Variants in PDZRN3 observed in about 807,000 individuals in gnomAD.
The protein encoded by PDZRN3 is E3 ubiquitin-protein ligase PDZRN3.
Under a neutral mutation model 85.7 loss-of-function variants are expected in PDZRN3, and 38 were observed. That is an observed-to-expected ratio of 0.44 (90% confidence interval 0.34 to 0.58). The LOEUF is 0.58. Ranked by LOEUF, PDZRN3 falls within the 20% of genes least tolerant of loss-of-function variation. The pLI, the probability that PDZRN3 is intolerant of heterozygous loss-of-function variation, is 0.01. For synonymous variants in PDZRN3, 759 were observed against 638.0 expected, an observed-to-expected ratio of 1.19 and a Z score of -2.86; for missense variants, 1,629 against 1,506.4, an observed-to-expected ratio of 1.08 and a Z score of -1.35.
chr3:73,620,341 G>T (rs1702837031), intron 1 of PDZRN3, among the ~76,000 whole-genome samples: 1 of 152,216 alleles, frequency 6.6e-6, no homozygotes, highest in African/African-American at 2.4e-5. Context: ...GTTATGTCCA[G>T]AATTGTTCCT....
intron 3 of PDZRN3, among the ~76,000 whole-genome samples, chr3:73,508,845 C>T (rs906732597): frequency 6.6e-6 from 1 of 152,130 alleles, no homozygotes; most frequent in Admixed American, 6.5e-5. Flanking sequence ...TAGCCATAAC[C>T]AAGGCCCTCT....
chr3:73,409,018 G>T (rs1406410083), intron 3 of PDZRN3, among the ~76,000 whole-genome samples: 1 of 152,168 alleles, frequency 6.6e-6, no homozygotes, highest in African/African-American at 2.4e-5. Context: ...AACAGTTTAT[G>T]CAGCTTTAAA....
intron 3 of PDZRN3, among the ~76,000 whole-genome samples, chr3:73,430,353 G>A (rs1414983791): frequency 2.0e-5 from 3 of 152,164 alleles, no homozygotes; most frequent in Non-Finnish European, 4.4e-5. Flanking sequence ...CAGACTTTAG[G>A]ACAATGTGCT....
intron 3 of PDZRN3, among the ~76,000 whole-genome samples, chr3:73,505,285 C>A (rs868471733): frequency 6.6e-6 from 1 of 152,122 alleles, no homozygotes; most frequent in Non-Finnish European, 1.5e-5. Flanking sequence ...TTTGAGAAAA[C>A]CCCAGTCCTT....
intron 3 of PDZRN3, among the ~76,000 whole-genome samples, chr3:73,562,176 C>T (rs976979599): frequency 2.6e-5 from 4 of 152,158 alleles, no homozygotes; most frequent in Admixed American, 6.5e-5. Flanking sequence ...TCTCTCCCTA[C>T]CTCTCTCTAT....
chr3:73,410,901 T>G (rs1314407715), intron 3 of PDZRN3, among the ~76,000 whole-genome samples: 2 of 152,198 alleles, frequency 1.3e-5, no homozygotes, highest in Non-Finnish European at 2.9e-5. Context: ...AAAATTAACA[T>G]GTACATTTTT....
chr3:73,523,292 G>A (rs918847495), intron 3 of PDZRN3, among the ~76,000 whole-genome samples: 3 of 152,128 alleles, frequency 2.0e-5, no homozygotes, highest in Non-Finnish European at 4.4e-5. Flanking sequence ...CTCCCAAAGT[G>A]CTGGGATTAT....
intron 3 of PDZRN3, among the ~76,000 whole-genome samples, chr3:73,585,616 AT>A (rs1390203817): frequency 5.3e-5 from 8 of 152,326 alleles, no homozygotes; most frequent in Admixed American, 3.3e-4. Context: ...TTCACTGAGA[AT>A]TCAGTTTAAT....
chr3:73,579,278 C>A (rs1702165372), intron 3 of PDZRN3, among the ~76,000 whole-genome samples: 1 of 152,188 alleles, frequency 6.6e-6, no homozygotes, highest in South Asian at 2.1e-4. Flanking sequence ...TGACCTTGAA[C>A]TTCCCAGCCT....
chr3:73,434,051 C>T (rs1373066804), intron 3 of PDZRN3: 7 of 678,016 alleles, frequency 1.0e-5, no homozygotes, highest in Non-Finnish European at 1.3e-5. Flanking sequence ...TATTAATCAG[C>T]TCTCATTGAC....
intron 3 of PDZRN3, among the ~76,000 whole-genome samples, chr3:73,469,226 C>T (rs1703285419): frequency 6.6e-6 from 1 of 152,060 alleles, no homozygotes. Flanking sequence ...GTGCCCACCA[C>T]CATGCCCAGA....
chr3:73,553,225 T>TA (rs1029539760), intron 3 of PDZRN3, among the ~76,000 whole-genome samples: 5 of 152,218 alleles, frequency 3.3e-5, no homozygotes, highest in African/African-American at 1.2e-4. Flanking sequence ...ACGCTTCTGA[T>TA]AATTAACACG....
At chr3:73,613,485 G>A (rs77091769) in intron 1 of PDZRN3, among the ~76,000 whole-genome samples, 3,400 of 152,184 alleles carry the variant, frequency 0.022, 127 homozygotes, top group African/African-American at 0.078. Context: ...GGGAGTCTGG[G>A]AGTACAGGGT....
chr3:73,532,778 T>A (rs1415101945), intron 3 of PDZRN3, among the ~76,000 whole-genome samples: 1 of 152,182 alleles, frequency 6.6e-6, no homozygotes, highest in Non-Finnish European at 1.5e-5. Flanking sequence ...CAGATCTCCA[T>A]GTTATTTGCT....
At chr3:73,407,917 G>C in intron 3 of PDZRN3, 2 of 568,548 alleles carry the variant, frequency 3.5e-6, no homozygotes, top group Non-Finnish European at 6.2e-6. Flanking sequence ...ATACTGCCCA[G>C]GTTACAGAGG....
chr3:73,624,713 C>T lies in PDZRN3; in HGVS notation c.113G>A (p.Cys38Tyr). The change falls in exon 1 of 10, where the codon TGC becomes TAC. Residue 38 changes from cysteine (C) to tyrosine (Y), a missense_variant. Coordinates refer to ENST00000263666, the MANE Select transcript of PDZRN3 (RefSeq NM_015009.3). ...PLTTPCGHVFCAGCVLPWVVQ... is the reference protein window; with the variant it reads ...PLTTPCGHVFYAGCVLPWVVQ... ...CACCCAGGGCAGCACGCAGCCGGCG[C>T]AGAAGACGTGGCCGCACGGCGTGGT... 1.3e-6 allele frequency: 2 copies of T among 1,530,756 alleles called. No individual in the cohort carries two copies. The highest frequency in any genetic ancestry group is 1.7e-6 in the Non-Finnish European group (2 of 1,146,268). The allele number at this position is 1,530,756 out of a possible 1,614,324, so 94.8% of individuals were successfully genotyped here. A position where few individuals can be genotyped will look rare whatever the true frequency, so the allele number is the denominator to read the frequency against.
At chr3:73,601,408 T>C (rs1396328331) in intron 3 of PDZRN3, among the ~76,000 whole-genome samples, 2 of 152,158 alleles carry the variant, frequency 1.3e-5, no homozygotes, top group African/African-American at 4.8e-5. Flanking sequence ...ATCGGTGCTG[T>C]TTTTCTGGTT....
rs540479588 is a variant in PDZRN3, at chr3:73,624,312, C to T, written c.514G>A (p.Ala172Thr). 742 of 1,316,206 alleles carry T rather than the reference C, an allele frequency of 5.6e-4. 7 individuals are homozygous for T. The South Asian group carries it at 0.015, about 27-fold the overall frequency. 81.5% of individuals were successfully genotyped at this position (1,316,206 alleles called of 1,614,324 possible). ...AGCGCGCCCAGGCGGGCCTGGAGCG[C>T]GCCGTTGTGCGCCCGCAGCGCTCGC... ...CARALRAHNG[A>T]LQARLGALHK... The change falls in exon 1 of 10, where the codon GCG (alanine) becomes ACG (threonine). Residue 172 changes from alanine (A) to threonine (T), a missense_variant. By Grantham distance (58) the Ala-to-Thr change is moderately conservative. Transcript: ENST00000263666.
chr3:73,525,524 A>C (rs1354621323), intron 3 of PDZRN3, among the ~76,000 whole-genome samples: 1 of 152,212 alleles, frequency 6.6e-6, no homozygotes, highest in Non-Finnish European at 1.5e-5. Flanking sequence ...ATAAATTTGA[A>C]CATATGTAAC....
Sources: gnomAD v4.1 joint callset for allele counts (sites outside exome capture counted in the v4.1 genomes callset) on GRCh38, gnomAD v4.1.1 for gene constraint, MANE v1.5 for transcripts, NCBI Gene and HGNC (gene_info 2026-07-23, HGNC 2026-07-21) for gene names.